Variants in CNTNAP2 observed in about 807,000 individuals in gnomAD.
CNTNAP2 encodes the protein contactin associated protein 2, also known as contactin-associated protein-like 2.
A neutral mutation model predicts 155.2 loss-of-function variants in CNTNAP2; 98 were observed. The ratio of observed to expected loss-of-function variants is 0.63; its 90% confidence interval spans 0.54 to 0.75. The LOEUF is 0.75. Among genes scored for constraint, CNTNAP2 ranks in the 30% least tolerant of loss-of-function variants. CNTNAP2 has a pLI of 0.00. For synonymous variants in CNTNAP2, 651 were observed against 631.2 expected, an observed-to-expected ratio of 1.03 and a Z score of -0.47; for missense variants, 1,727 against 1,688.1, an observed-to-expected ratio of 1.02 and a Z score of -0.40.
chr7:146,981,103 G>A (rs1324323105), intron 3 of CNTNAP2, among the ~76,000 whole-genome samples: 2 of 152,146 alleles, frequency 1.3e-5, no homozygotes, highest in East Asian at 1.9e-4. Flanking sequence ...AGGAGAAGCA[G>A]AAATAATGAT....
At chr7:146,908,938 C>T (rs1453102102) in intron 3 of CNTNAP2, among the ~76,000 whole-genome samples, 1 of 148,116 alleles carries the variant, frequency 6.8e-6, no homozygotes, top group Admixed American at 6.7e-5. Context: ...AGAGAAGAAT[C>T]AAATAGACAC....
At chr7:146,735,721 G>GCATATATATACATA (rs1563209925) in intron 1 of CNTNAP2, among the ~76,000 whole-genome samples, 3 of 151,998 alleles carry the variant, frequency 2.0e-5, no homozygotes, top group African/African-American at 7.3e-5. Context: ...ATATATATGT[G>GCATATATATACATA]TAGAGAATAG....
At chr7:147,642,937 T>C in intron 13 of CNTNAP2, among the ~76,000 whole-genome samples, 1 of 152,176 alleles carries the variant, frequency 6.6e-6, no homozygotes, top group East Asian at 1.9e-4. Flanking sequence ...TAGCTTTAAG[T>C]GTTACCTCAC....
intron 21 of CNTNAP2, among the ~76,000 whole-genome samples, chr7:148,277,829 CA>C (rs36031492): frequency 2.5e-4 from 36 of 146,840 alleles, no homozygotes; most frequent in Admixed American, 3.4e-4. Flanking sequence ...TTACTTCCTA[CA>C]AAAAAAAAAA....
At chr7:146,492,056 A>G (rs1204257568) in intron 1 of CNTNAP2, among the ~76,000 whole-genome samples, 1 of 152,172 alleles carries the variant, frequency 6.6e-6, no homozygotes, top group Non-Finnish European at 1.5e-5. Flanking sequence ...TCTATAATTA[A>G]GAAACGCAAT....
intron 1 of CNTNAP2, among the ~76,000 whole-genome samples, chr7:146,522,862 CT>C (rs1797634774): frequency 6.6e-6 from 1 of 151,112 alleles, no homozygotes; most frequent in South Asian, 2.1e-4. Flanking sequence ...TTTATGTTAT[CT>C]CAAGTCAAAT....
At chr7:148,068,026 C>T (rs943002071) in intron 15 of CNTNAP2, among the ~76,000 whole-genome samples, 4 of 152,094 alleles carry the variant, frequency 2.6e-5, no homozygotes, top group African/African-American at 9.7e-5. Flanking sequence ...AGTTTATATC[C>T]AGGTGCCGGT....
intron 1 of CNTNAP2, among the ~76,000 whole-genome samples, chr7:146,457,958 G>C (rs1469036285): frequency 6.6e-6 from 1 of 152,024 alleles, no homozygotes; most frequent in Non-Finnish European, 1.5e-5. Flanking sequence ...TTGTTTGAAG[G>C]CTACTTAAAC....
intron 15 of CNTNAP2, among the ~76,000 whole-genome samples, chr7:148,042,352 T>C (rs1452285975): frequency 6.6e-6 from 1 of 152,174 alleles, no homozygotes; most frequent in African/African-American, 2.4e-5. Context: ...GGTTGCCAGG[T>C]TGCCAGGGCA....
At chr7:148,167,573 T>A (rs1805692290) in intron 17 of CNTNAP2, among the ~76,000 whole-genome samples, 1 of 151,852 alleles carries the variant, frequency 6.6e-6, no homozygotes, top group African/African-American at 2.4e-5. Flanking sequence ...TTTGAGAGTG[T>A]TTACTGAAAT....
At chr7:147,234,410 T>G (rs1385309439) in intron 8 of CNTNAP2, among the ~76,000 whole-genome samples, 2 of 139,356 alleles carry the variant, frequency 1.4e-5, no homozygotes, top group Admixed American at 7.9e-5. Flanking sequence ...CGATCTCGGC[T>G]CACTGCAAGC....
chr7:146,519,737 G>T (rs1034093893), intron 1 of CNTNAP2, among the ~76,000 whole-genome samples: 1 of 151,774 alleles, frequency 6.6e-6, no homozygotes, highest in African/African-American at 2.4e-5. Context: ...GATATTTACC[G>T]CATCGTCTCA....
At chr7:146,442,243 G>A (rs965494276) in intron 1 of CNTNAP2, among the ~76,000 whole-genome samples, 4 of 151,458 alleles carry the variant, frequency 2.6e-5, no homozygotes, top group Admixed American at 6.6e-5. Flanking sequence ...TTCTTGCATC[G>A]AGGGTTTCTT....
At chr7:148,175,272 A>C (rs1299212349) in intron 18 of CNTNAP2, among the ~76,000 whole-genome samples, 3 of 152,178 alleles carry the variant, frequency 2.0e-5, no homozygotes, top group Non-Finnish European at 4.4e-5. Flanking sequence ...GTCTTTGCAC[A>C]ATGATGTATT....
At chr7:146,885,786 C>A (rs1795644123) in intron 3 of CNTNAP2, among the ~76,000 whole-genome samples, 1 of 152,056 alleles carries the variant, frequency 6.6e-6, no homozygotes. Context: ...AGTATTTTAA[C>A]AACTGACTTA....
intron 11 of CNTNAP2, among the ~76,000 whole-genome samples, chr7:147,516,353 A>T (rs1337951830): frequency 6.6e-6 from 1 of 152,144 alleles, no homozygotes; most frequent in Non-Finnish European, 1.5e-5. Context: ...CAATTAAAAA[A>T]GTGTTAAAGC....
intron 14 of CNTNAP2, among the ~76,000 whole-genome samples, chr7:147,940,613 C>T (rs1456503205): frequency 1.3e-5 from 2 of 152,126 alleles, no homozygotes; most frequent in African/African-American, 2.4e-5. Context: ...CAACTCTCTG[C>T]AGCCTTAACC....
At chr7:147,433,614 A>C (rs1797500541) in intron 10 of CNTNAP2, among the ~76,000 whole-genome samples, 1 of 152,120 alleles carries the variant, frequency 6.6e-6, no homozygotes, top group South Asian at 2.1e-4. Context: ...TACCTATGAA[A>C]TTTTCCACCT....
chr7:147,436,261 T>G (rs1353526646), intron 10 of CNTNAP2, among the ~76,000 whole-genome samples: 1 of 152,186 alleles, frequency 6.6e-6, no homozygotes, highest in Admixed American at 6.5e-5. Flanking sequence ...CCAGGGAACC[T>G]TCTCTCTTGA....
Sources: allele counts gnomAD v4.1 joint callset (sites outside exome capture counted in the v4.1 genomes callset), GRCh38; gene constraint gnomAD v4.1.1; transcripts MANE v1.5; gene names NCBI Gene and HGNC (gene_info 2026-07-23, HGNC 2026-07-21).